CELF2: variants seen among roughly 807,000 people sequenced by gnomAD.
CELF2 encodes CUG triplet repeat RNA-binding protein 2.
Under a neutral mutation model 62.6 loss-of-function variants are expected in CELF2, and 8 were observed. The observed-to-expected ratio is 0.13, with a 90% CI of 0.07 to 0.23. CELF2 has a LOEUF of 0.23. Ranked by LOEUF, CELF2 falls within the 10% of genes least tolerant of loss-of-function variation. The pLI is 1.00. For missense variants in CELF2, 333 were observed against 671.0 expected (o/e 0.50, Z 5.56); for synonymous variants, 258 against 250.0 (o/e 1.03, Z -0.30).
the CELF2 span, among the ~76,000 whole-genome samples, chr10:10,716,807 C>G: frequency 1.9e-3 from 289 of 152,304 alleles, 2 homozygotes; most frequent in Admixed American, 4.3e-3. Flanking sequence ...CATTCCAACA[C>G]TTTCGCTGCA....
At chr10:11,240,855 CTTAT>C (rs1176975813) in intron 3 of CELF2, among the ~76,000 whole-genome samples, 1 of 152,194 alleles carries the variant, frequency 6.6e-6, no homozygotes, top group Non-Finnish European at 1.5e-5. Flanking sequence ...AAACCCCAAA[CTTAT>C]TTACACCACA....
intron 11 of CELF2, among the ~76,000 whole-genome samples, chr10:11,322,821 T>C (rs1436758427): frequency 6.6e-6 from 1 of 152,140 alleles, no homozygotes; most frequent in East Asian, 1.9e-4. Context: ...TTCCCCAGGC[T>C]TGTGAAAGAG....
In CELF2 at chr10:11,328,536, T is replaced by C. The variant is rs147135692; in HGVS notation, c.1439-390T>C. ...TAGGGGCCCCCACAGCCCTGAAATA[T>C]TTACACCACTGCTTGTATGAGTAGC... On this transcript the variant is annotated intron_variant, in intron 12 of 12. Coordinates refer to ENST00000633077, the MANE Select transcript of CELF2 (RefSeq NM_001326342.2). The surrounding 1 kb of genome is among the most constrained non-coding windows in gnomAD (Gnocchi z 6.4). Among the ~76,000 whole-genome samples the C allele has an allele frequency of 3.6e-3, 543 of 152,274 alleles. 3 individuals are homozygous for C. The highest frequency in any genetic ancestry group is 0.029 in the South Asian group (138 of 4,814).
chr10:10,526,701 A>T, the CELF2 span, among the ~76,000 whole-genome samples: 43 of 152,302 alleles, frequency 2.8e-4, no homozygotes, highest in Non-Finnish European at 4.9e-4. Context: ...TCACTCAACA[A>T]ATGTTTGTTG....
At chr10:11,208,132 T>C (rs1442562210) in intron 2 of CELF2, among the ~76,000 whole-genome samples, 1 of 152,064 alleles carries the variant, frequency 6.6e-6, no homozygotes, top group East Asian at 1.9e-4. Flanking sequence ...CTGGTGTGAC[T>C]TGGGGGCAGC....
intron 4 of CELF2, among the ~76,000 whole-genome samples, chr10:11,257,316 T>G (rs1253909108): frequency 7.2e-5 from 9 of 125,030 alleles, no homozygotes; most frequent in African/African-American, 2.7e-4. Flanking sequence ...TCCCTGTCAT[T>G]CAGGTTAAAA....
At chr10:11,212,822 C>A (rs2062257578) in intron 2 of CELF2, among the ~76,000 whole-genome samples, 1 of 142,954 alleles carries the variant, frequency 7.0e-6, no homozygotes. Context: ...CAAGGGATAT[C>A]CTGAAGTCAC....
At chr10:10,641,961 C>T in the CELF2 span, among the ~76,000 whole-genome samples, 1 of 152,116 alleles carries the variant, frequency 6.6e-6, no homozygotes, top group Non-Finnish European at 1.5e-5. Context: ...TAGTAAGCTT[C>T]CAAACTAGGT....
At chr10:11,264,604 A>T (rs2081634591) in intron 5 of CELF2, among the ~76,000 whole-genome samples, 1 of 152,238 alleles carries the variant, frequency 6.6e-6, no homozygotes, top group African/African-American at 2.4e-5. Flanking sequence ...AATGCCAGGG[A>T]TGATGAAAAT....
chr10:11,058,457 GTTGGTTTT>G (rs1459511669), intron 1 of CELF2, among the ~76,000 whole-genome samples: 2 of 115,180 alleles, frequency 1.7e-5, no homozygotes, highest in Non-Finnish European at 3.7e-5. Context: ...GGTTTTTTTT[GTTGGTTTT>G]TTTTTTTTTT....
chr10:10,585,019 C>T, the CELF2 span, among the ~76,000 whole-genome samples: 1 of 151,712 alleles, frequency 6.6e-6, no homozygotes, highest in Non-Finnish European at 1.5e-5. Context: ...AAGGATATAG[C>T]AAGAATTAAA....
intron 1 of CELF2, among the ~76,000 whole-genome samples, chr10:10,838,070 A>G (rs747285112): frequency 2.6e-5 from 4 of 152,162 alleles, no homozygotes; most frequent in Non-Finnish European, 5.9e-5. Flanking sequence ...CAGTACATTT[A>G]GTGTCACGTT....
chr10:10,965,036 C>T (rs988028831), intron 2 of CELF2, among the ~76,000 whole-genome samples: 2 of 152,130 alleles, frequency 1.3e-5, no homozygotes, highest in Non-Finnish European at 2.9e-5. Context: ...TTTACATATA[C>T]AATTCAATTT....
At chr10:10,894,033 C>G (rs1327151600) in intron 1 of CELF2, among the ~76,000 whole-genome samples, 1 of 151,576 alleles carries the variant, frequency 6.6e-6, no homozygotes, top group Non-Finnish European at 1.5e-5. Context: ...CTATGTTAAC[C>G]ATAACAGAAA....
chr10:10,868,873 G>T (rs908369338), intron 1 of CELF2, among the ~76,000 whole-genome samples: 2 of 152,306 alleles, frequency 1.3e-5, no homozygotes, highest in South Asian at 2.1e-4. Context: ...CTACCAAATA[G>T]GTAGGTCTTC....
At chr10:10,473,328 T>C in the CELF2 span, among the ~76,000 whole-genome samples, 7 of 152,000 alleles carry the variant, frequency 4.6e-5, no homozygotes, top group African/African-American at 1.7e-4. Context: ...AAACCACCAA[T>C]ATCTAGGAAA....
chr10:10,903,420 TTAA>T (rs1356518286), intron 1 of CELF2, among the ~76,000 whole-genome samples: 2 of 152,208 alleles, frequency 1.3e-5, no homozygotes, highest in Non-Finnish European at 2.9e-5. Context: ...GAGAATTCTA[TTAA>T]TGATGGAACT....
intron 1 of CELF2, among the ~76,000 whole-genome samples, chr10:10,805,840 C>A (rs536196171): frequency 6.6e-6 from 1 of 152,164 alleles, no homozygotes; most frequent in Non-Finnish European, 1.5e-5. Flanking sequence ...ATTTGATCAC[C>A]TTGTGTTCAT....
At chr10:10,795,315 A>T (rs536977960), upstream of CELF2, among the ~76,000 whole-genome samples, 86 of 149,712 alleles carry the variant, frequency 5.7e-4, no homozygotes, top group Admixed American at 2.3e-3. Flanking sequence ...GCCAAAAAAA[A>T]TTTTTTTTTT....
Sources: gnomAD v4.1 joint callset for allele counts (sites outside exome capture counted in the v4.1 genomes callset) on GRCh38, gnomAD v4.1.1 for gene constraint, Gnocchi (gnomAD v3.1) non-coding constraint, MANE v1.5 for transcripts, NCBI Gene and HGNC (gene_info 2026-07-23, HGNC 2026-07-21) for gene names.